ERBB2: variants seen among roughly 807,000 people sequenced by gnomAD.
ERBB2 encodes the protein receptor tyrosine-protein kinase erbB-2.
A neutral mutation model predicts 149.0 loss-of-function variants in ERBB2; 61 were observed. The ratio of observed to expected loss-of-function variants is 0.41; its 90% confidence interval spans 0.33 to 0.51. The LOEUF (loss-of-function observed/expected upper bound fraction) is 0.51. ERBB2 is among the 20% of genes least tolerant of loss of function. The pLI is 0.25. For synonymous variants in ERBB2, 633 were observed against 678.8 expected (o/e 0.93, Z 1.05); for missense variants, 1,205 against 1,655.1 (o/e 0.73, Z 4.72).
rs752000782 is a variant in ERBB2, at chr17:39,723,522, C to CTG, written c.2086-16_2086-15insTG. On this transcript the variant is annotated splice_polypyrimidine_tract_variant and intron_variant, in intron 17 of 26. Transcript: ENST00000269571. The surrounding 1 kb of genome is among the most constrained non-coding windows in gnomAD (Gnocchi z 6.2). ...GCACCGGCCCCCGGCACTGACCCAC[C>CTG]ACCCCCTCACCCCAGCTGGTGGAGC... 1 of 1,612,528 alleles carries CTG rather than the reference C, an allele frequency of 6.2e-7. No individual in the cohort carries two copies. Among genetic ancestry groups the CTG allele is most frequent in the African/African-American group, 1.3e-5 (1 of 75,050 alleles).
chr17:39,727,317 T>C lies in ERBB2; in HGVS notation c.3182T>C (p.Leu1061Pro), dbSNP rs141142822. 1.3e-4 allele frequency: 202 copies of C among 1,612,946 alleles called. No individual in the cohort carries two copies. Among genetic ancestry groups the C allele is most frequent in the Middle Eastern group, 1.2e-3 (7 of 6,024 alleles). The change falls in exon 26 of 27, where the codon CTA becomes CCA. Residue 1061 changes from leucine (L) to proline (P), a missense_variant. Transcript: ENST00000269571. This position sits in a 1 kb window ranked among gnomAD's most constrained non-coding sequence, Gnocchi z 4.3. ...STRSGGGDLTLGLEPSEEEAP... is the reference protein window; with the variant it reads ...STRSGGGDLTPGLEPSEEEAP... ...CAGAGTGGCGGTGGGGACCTGACAC[T>C]AGGGCTGGAGCCCTCTGAAGAGGAG...
rs2143322147 is a variant in ERBB2 at position 39,728,021 on chromosome 17, C to G, written c.3745C>G (p.Leu1249Val). ...GTPTAENPEY[L>V]GLDVPV ...ACCTACGGCAGAGAACCCAGAGTAC[C>G]TGGGTCTGGACGTGCCAGTGTGAAC... The change falls in exon 27 of 27, where the codon CTG becomes GTG. Residue 1249 changes from leucine (L) to valine (V), a missense_variant. Transcript: ENST00000269571. 1 of 1,604,482 alleles carries G rather than the reference C, an allele frequency of 6.2e-7. No homozygotes were observed. Among genetic ancestry groups the G allele is most frequent in the Non-Finnish European group, 8.5e-7 (1 of 1,177,216 alleles).
In ERBB2 at chr17:39,725,788, A is replaced by G. The variant is rs2143070798; in HGVS notation, c.2807A>G (p.Glu936Gly). ...IPAREIPDLL[E>G]KGERLPQPPI... ...GCCCGGGAGATCCCTGACCTGCTGG[A>G]AAAGGGGGAGCGGCTGCCCCAGCCC... is the stretch of plus-strand genomic sequence containing the variant. Residue 936 changes from glutamate (E) to glycine (G), a missense_variant, in exon 23 of 27, where the codon GAA (glutamate) becomes GGA (glycine). This residue lies in a region of ERBB2 where 63 missense variants were observed against 74.2 expected (regional missense o/e 0.85). Transcript: ENST00000269571. The surrounding 1 kb of genome is among the most constrained non-coding windows in gnomAD (Gnocchi z 4.6). The G allele has an allele frequency of 6.2e-7, 1 of 1,613,186 alleles. No individual in the cohort carries two copies. The highest frequency in any genetic ancestry group is 1.7e-5 in the Admixed American group (1 of 59,672).
chr17:39,689,900 CAAAAAAAA>C (rs77805136), intron 2 of ERBB2, among the ~76,000 whole-genome samples: 1 of 47,470 alleles, frequency 2.1e-5, no homozygotes, highest in Admixed American at 2.3e-4. Flanking sequence ...GAGCGAAACT[CAAAAAAAA>C]AAAAAAAAAG....
In ERBB2 at chr17:39,727,512, G is replaced by A. The variant is rs2143256967; in HGVS notation, c.3377G>A (p.Gly1126Asp). ...PTVPLPSETD[G>D]YVAPLTCSPQ... ...GTACCCCTGCCCTCTGAGACTGATG[G>A]CTACGTTGCCCCCCTGACCTGCAGC... The change falls in exon 26 of 27, where the codon GGC (glycine) becomes GAC (aspartate). Residue 1126 changes from glycine to aspartate, a missense_variant. Around this residue, in one of 6 missense-constraint regions of ERBB2, gnomAD observed 312 missense variants for 343.8 expected, o/e 0.91. Transcript: ENST00000269571. This position sits in a 1 kb window ranked among gnomAD's most constrained non-coding sequence, Gnocchi z 4.3. The A allele has an allele frequency of 1.2e-6, 2 of 1,607,712 alleles. No homozygotes were observed. Among genetic ancestry groups the A allele is most frequent in the Non-Finnish European group, 1.7e-6 (2 of 1,178,236 alleles).
Position 39,723,830 on chromosome 17 carries a change from G to A in ERBB2, c.2209-82G>A, listed in dbSNP as rs571460265. Reference sequence around the variant, plus strand: ...AGCCCTAGGGTGGTGAAGGATGTTTGGAGGACAAGTAATGATCTCCTGGAA... The same window carrying A: ...AGCCCTAGGGTGGTGAAGGATGTTTAGAGGACAAGTAATGATCTCCTGGAA... On this transcript the variant is annotated intron_variant, in intron 18 of 26. Transcript: ENST00000269571. This position sits in a 1 kb window ranked among gnomAD's most constrained non-coding sequence, Gnocchi z 6.2. The A allele has an allele frequency of 3.3e-6, 5 of 1,498,502 alleles. No homozygotes were observed. In the South Asian group the frequency reaches 5.8e-5, roughly 17 times the overall value. 92.8% of individuals were successfully genotyped at this position (1,498,502 alleles called of 1,614,324 possible). A position where few individuals can be genotyped will look rare whatever the true frequency, so the allele number is the denominator to read the frequency against.
At chr17:39,724,333 C>A (rs894574772) in intron 19 of ERBB2, among the ~76,000 whole-genome samples, 6 of 144,150 alleles carry the variant, frequency 4.2e-5, no homozygotes, top group African/African-American at 1.6e-4. Context: ...TGAAATGGTG[C>A]GGTCTCAGCT....
rs1377979176 is a variant in ERBB2 at position 39,723,404 on chromosome 17, C to T, written c.2032C>T (p.Arg678Trp). Reference sequence around the variant, plus strand: ...GGTCTTTGGGATCCTCATCAAGCGACGGCAGCAGAAGATCCGGAAGTACAC... The same window carrying T: ...GGTCTTTGGGATCCTCATCAAGCGATGGCAGCAGAAGATCCGGAAGTACAC... ...GVVFGILIKRRQQKIRKYTMR... is the reference protein window; with the variant it reads ...GVVFGILIKRWQQKIRKYTMR... The change falls in exon 17 of 27, where the codon CGG (arginine) becomes TGG (tryptophan). Residue 678 changes from arginine to tryptophan, a missense_variant. Physicochemically the swap from Arg to Trp is moderately radical, Grantham distance 101 (BLOSUM62 -3). This residue lies in a region of ERBB2 where 569 missense variants were observed against 803.5 expected (regional missense o/e 0.71). Coordinates refer to ENST00000269571, the MANE Select transcript of ERBB2 (RefSeq NM_004448.4). The surrounding 1 kb of genome is among the most constrained non-coding windows in gnomAD (Gnocchi z 6.2). 3.7e-6 allele frequency: 6 copies of T among 1,614,042 alleles called. No individual in the cohort carries two copies. Among genetic ancestry groups the T allele is most frequent in the East Asian group, 2.2e-5 (1 of 44,886 alleles).
chr17:39,727,534 C>T lies in ERBB2; in HGVS notation c.3399C>T (p.Cys1133=), dbSNP rs2143260512. ...ETDGYVAPLT[C]SPQPEYVNQP... The stretch of plus-strand genomic sequence containing the variant: ...ATGGCTACGTTGCCCCCCTGACCTG[C>T]AGCCCCCAGCCTGGTATGGAGTCCA... The change falls in exon 26 of 27, where the codon TGC becomes TGT. Residue 1133 remains cysteine (C), a synonymous_variant. Coordinates refer to ENST00000269571, the MANE Select transcript of ERBB2 (RefSeq NM_004448.4). The surrounding 1 kb of genome is among the most constrained non-coding windows in gnomAD (Gnocchi z 4.3). 2 of 1,601,154 alleles carry T rather than the reference C, an allele frequency of 1.2e-6. No individual in the cohort carries two copies. The highest frequency in any genetic ancestry group is 1.7e-6 in the Non-Finnish European group (2 of 1,176,576).
Position 39,726,439 on chromosome 17 carries a change from C to T in ERBB2, c.2873-123C>T. ...CCCAGAGTCTGGTGCTACTTCTCTACCACCTGAGGGCTTTGGGCTGTCCCT... is the reference window on the plus strand; with the variant it reads ...CCCAGAGTCTGGTGCTACTTCTCTATCACCTGAGGGCTTTGGGCTGTCCCT... On this transcript the variant is annotated intron_variant, in intron 23 of 26. Transcript: ENST00000269571. The surrounding 1 kb of genome is among the most constrained non-coding windows in gnomAD (Gnocchi z 5.1). 1.4e-6 allele frequency: 1 copy of T among 739,762 alleles called. No individual in the cohort carries two copies. The highest frequency in any genetic ancestry group is 2.4e-6 in the Non-Finnish European group (1 of 415,212). 45.8% of individuals were successfully genotyped at this position (739,762 alleles called of 1,614,324 possible).
chr17:39,721,834 A>G (rs2059470223), intron 16 of ERBB2, among the ~76,000 whole-genome samples: 1 of 152,236 alleles, frequency 6.6e-6, no homozygotes, highest in South Asian at 2.1e-4. Flanking sequence ...ATGGTGGAAA[A>G]GCAATAATAT....
At chr17:39,698,675 A>G (rs1360868598), upstream of ERBB2, among the ~76,000 whole-genome samples, 2 of 152,168 alleles carry the variant, frequency 1.3e-5, no homozygotes, top group African/African-American at 4.8e-5. Context: ...TGCTCAGCAC[A>G]TGGAAGCAAG....
upstream of ERBB2, among the ~76,000 whole-genome samples, chr17:39,695,704 T>TACACACACAC (rs56249643): frequency 0.063 from 6,098 of 96,554 alleles, 592 homozygotes; most frequent in East Asian, 0.089. Flanking sequence ...GGTGCATGCA[T>TACACACACAC]ACACACACAC....
At chr17:39,689,893 C>T (rs1473828740) in intron 2 of ERBB2, among the ~76,000 whole-genome samples, 25 of 128,278 alleles carry the variant, frequency 1.9e-4, no homozygotes, top group Admixed American at 1.0e-3. Context: ...GCAACAAGAG[C>T]GAAACTCAAA....
rs2059869520 is a variant in ERBB2, at chr17:39,727,902, C to G, written c.3626C>G (p.Pro1209Arg). 1 of 1,614,166 alleles carries G rather than the reference C, an allele frequency of 6.2e-7. No homozygotes were observed. ...GGAGGAGCTGCCCCTCAGCCCCACC[C>G]TCCTCCTGCCTTCAGCCCAGCCTTC... ...PQGGAAPQPHPPPAFSPAFDN... is the reference protein window; with the variant it reads ...PQGGAAPQPHRPPAFSPAFDN... Residue 1209 changes from proline to arginine, a missense_variant, in exon 27 of 27, where the codon CCT becomes CGT. Physicochemically the swap from Pro to Arg is moderately radical, Grantham distance 103. Coordinates refer to ENST00000269571, the MANE Select transcript of ERBB2 (RefSeq NM_004448.4). This position sits in a 1 kb window ranked among gnomAD's most constrained non-coding sequence, Gnocchi z 4.3.
upstream of ERBB2, among the ~76,000 whole-genome samples, chr17:39,694,530 G>A (rs923046249): frequency 6.6e-6 from 1 of 151,438 alleles, no homozygotes; most frequent in Non-Finnish European, 1.5e-5. Context: ...GTATCAAAAA[G>A]AGGAGTTGAT....
intron 9 of ERBB2, 71 bp downstream of exon 9, chr17:39,712,519 A>G: frequency 6.4e-7 from 1 of 1,563,582 alleles, no homozygotes; most frequent in Non-Finnish European, 8.7e-7. Flanking sequence ...ATGTGGCAGC[A>G]TCTCTTGGGG....
Position 39,726,069 on chromosome 17 carries a change from C to T in ERBB2, c.2872+216C>T. On this transcript the variant is annotated intron_variant, in intron 23 of 26. Transcript: ENST00000269571. This position sits in a 1 kb window ranked among gnomAD's most constrained non-coding sequence, Gnocchi z 5.1. ...CAAAATTAAGCTGGGCACAGTGGCT[C>T]ATGCCTGTAATCCCAGTACTTTTGG... 7.3e-6 allele frequency: 4 copies of T among 544,218 alleles called. No individual in the cohort carries two copies. In the South Asian group the frequency reaches 9.6e-5, roughly 13 times the overall value. The allele number at this position is 544,218 out of a possible 1,614,324, so 33.7% of individuals were successfully genotyped here.
chr17:39,688,600 C>G (rs1248985582), intron 1 of ERBB2: 2 of 152,534 alleles, frequency 1.3e-5, no homozygotes. Flanking sequence ...GTCTCCCTCA[C>G]TCCCTTGCTC....
Sources: allele counts gnomAD v4.1 joint callset (sites outside exome capture counted in the v4.1 genomes callset), GRCh38; gene constraint gnomAD v4.1.1; regional missense constraint gnomAD v4.1.1; non-coding constraint Gnocchi (gnomAD v3.1); transcripts MANE v1.5; gene names NCBI Gene and HGNC (gene_info 2026-07-23, HGNC 2026-07-21).